Variants in CNTN6 observed in about 807,000 individuals in gnomAD.
CNTN6 encodes the protein contactin 6.
A neutral mutation model predicts 122.8 loss-of-function variants in CNTN6; 137 were observed. That is an observed-to-expected ratio of 1.12 (90% CI 0.97 to 1.29). CNTN6 has a LOEUF of 1.29. Ranked by LOEUF, CNTN6 falls within the 50% of genes most tolerant of loss-of-function variation. The probability of loss-of-function intolerance (pLI) is 0.00; values close to 1 mark genes in which losing one functional copy is unlikely to be tolerated. For synonymous variants in CNTN6, 570 were observed against 426.0 expected (o/e 1.34, Z -4.16); for missense variants, 1,634 against 1,223.4 (o/e 1.34, Z -5.01).
At chr3:1,253,237 T>C (rs2094699391) in intron 4 of CNTN6, among the ~76,000 whole-genome samples, 1 of 152,146 alleles carries the variant, frequency 6.6e-6, no homozygotes, top group Non-Finnish European at 1.5e-5. Flanking sequence ...TGACACCATG[T>C]CCTTTACCCT....
At chr3:1,330,135 A>C (rs568313791) in intron 11 of CNTN6, among the ~76,000 whole-genome samples, 200 bp downstream of exon 11, 1 of 152,058 alleles carries the variant, frequency 6.6e-6, no homozygotes, top group Non-Finnish European at 1.5e-5. Flanking sequence ...TGTTTGTATA[A>C]GTTAGCTGCA....
intron 1 of CNTN6, among the ~76,000 whole-genome samples, chr3:1,124,937 T>C (rs1217340550): frequency 6.6e-6 from 1 of 151,916 alleles, no homozygotes; most frequent in African/African-American, 2.4e-5. Flanking sequence ...GTATTATTGC[T>C]CCTATTTGCT....
At chr3:1,133,591 G>A (rs1010666) in intron 1 of CNTN6, among the ~76,000 whole-genome samples, 73,622 of 151,978 alleles carry the variant, frequency 0.48, 18,045 homozygotes, top group Non-Finnish European at 0.49. Flanking sequence ...CATGGACTCA[G>A]CTGTGACTGC....
At chr3:1,225,439 A>C (rs2094268486) in intron 3 of CNTN6, among the ~76,000 whole-genome samples, 1 of 152,204 alleles carries the variant, frequency 6.6e-6, no homozygotes, top group African/African-American at 2.4e-5. Context: ...CTAAGCCAAC[A>C]ACTTTGAATT....
intron 4 of CNTN6, among the ~76,000 whole-genome samples, chr3:1,246,389 T>G (rs989507729): frequency 6.6e-6 from 1 of 152,216 alleles, no homozygotes; most frequent in Non-Finnish European, 1.5e-5. Context: ...TTCATTTTTC[T>G]GATCACATAT....
intron 11 of CNTN6, among the ~76,000 whole-genome samples, chr3:1,334,934 A>C (rs1702828699): frequency 6.6e-6 from 1 of 152,176 alleles, no homozygotes; most frequent in Non-Finnish European, 1.5e-5. Flanking sequence ...TTCTTCATTC[A>C]TTCTGCAAAT....
At chr3:1,171,460 T>C (rs1309306742) in intron 2 of CNTN6, among the ~76,000 whole-genome samples, 4 of 152,186 alleles carry the variant, frequency 2.6e-5, no homozygotes, top group Non-Finnish European at 4.4e-5. Flanking sequence ...AAATAATTAT[T>C]TGCTGTGTGA....
intron 4 of CNTN6, 118 bp from the exon 5 acceptor site, chr3:1,278,294 TG>T: frequency 1.6e-6 from 1 of 643,064 alleles, no homozygotes; most frequent in Non-Finnish European, 2.6e-6. Flanking sequence ...CTAAGTCTTC[TG>T]GTCAGCAAAG....
At chr3:1,135,465 T>C (rs895185795) in intron 1 of CNTN6, among the ~76,000 whole-genome samples, 3 of 152,204 alleles carry the variant, frequency 2.0e-5, no homozygotes, top group Non-Finnish European at 4.4e-5. Flanking sequence ...CTGCTGTCAG[T>C]GCTCTGTGAT....
chr3:1,269,702 T>G (rs1272858055), intron 4 of CNTN6, among the ~76,000 whole-genome samples: 2 of 152,202 alleles, frequency 1.3e-5, no homozygotes, highest in African/African-American at 4.8e-5. Context: ...CTTGTTTAAT[T>G]TATGAAATGT....
At chr3:1,245,919 A>C (rs1432184103) in intron 4 of CNTN6, among the ~76,000 whole-genome samples, 3 of 152,072 alleles carry the variant, frequency 2.0e-5, no homozygotes, top group Non-Finnish European at 4.4e-5. Flanking sequence ...TGAGCTAAAA[A>C]AAAAATTGCA....
At position 1,385,777 on chromosome 3, in the gene CNTN6, A is replaced by T; in HGVS notation, c.2684A>T (p.Asn895Ile). The T allele has an allele frequency of 6.2e-7, 1 of 1,610,586 alleles. No individual in the cohort carries two copies. The highest frequency in any genetic ancestry group is 8.5e-7 in the Non-Finnish European group (1 of 1,178,718). The change falls in exon 20 of 23, where the codon AAT (asparagine) becomes ATT (isoleucine). Residue 895 changes from asparagine to isoleucine, a missense_variant. Physicochemically the swap from Asn to Ile is moderately radical, Grantham distance 149. Transcript: ENST00000446702. The stretch of plus-strand genomic sequence containing the variant: ...ACAGGGCCCTCAAGCCCCCCAGTCA[A>T]TGTTACCACCAAAAAGTCTCGTAAG... ...AGTGPSSPPV[N>I]VTTKKSPPSQ...
Position 1,227,120 on chromosome 3 carries a change from C to G in CNTN6, c.183-698C>G, listed in dbSNP as rs1245883923. 2.6e-5 allele frequency among the ~76,000 whole-genome samples: 4 copies of G among 152,226 alleles called. No homozygotes were observed. In the South Asian group the frequency reaches 8.3e-4, roughly 32 times the overall value. ...TGAATCTTTGAAAGTAAATATAACT[C>G]TAAGACTCTTCAGCTAGTTAATTCA... On this transcript the variant is annotated intron_variant, in intron 3 of 22. Transcript: ENST00000446702.
At chr3:1,250,325 C>T (rs114284246) in intron 4 of CNTN6, among the ~76,000 whole-genome samples, 1 of 152,286 alleles carries the variant, frequency 6.6e-6, no homozygotes, top group African/African-American at 2.4e-5. Flanking sequence ...AAGCATCTCA[C>T]TTCTACCTGT....
chr3:1,300,189 C>T (rs969618531), intron 7 of CNTN6, among the ~76,000 whole-genome samples: 41 of 151,848 alleles, frequency 2.7e-4, no homozygotes, highest in African/African-American at 8.9e-4. Flanking sequence ...GGTTTCAGCA[C>T]GTTAGCCAGG....
intron 2 of CNTN6, among the ~76,000 whole-genome samples, chr3:1,171,556 G>T (rs1436357628): frequency 1.3e-5 from 2 of 152,124 alleles, no homozygotes. Context: ...CCAAAAACTG[G>T]CTTGACTCCC....
At chr3:1,377,934 A>C (rs155386) in intron 17 of CNTN6, among the ~76,000 whole-genome samples, 1 of 151,504 alleles carries the variant, frequency 6.6e-6, no homozygotes, top group African/African-American at 2.4e-5. Flanking sequence ...TGCGTTTTTT[A>C]ATTTATTTTT....
chr3:1,130,731 CAAT>C (rs917202038), intron 1 of CNTN6, among the ~76,000 whole-genome samples: 5 of 152,070 alleles, frequency 3.3e-5, no homozygotes, highest in African/African-American at 1.2e-4. Flanking sequence ...ATGAAGACAA[CAAT>C]GTTTGATCAG....
intron 1 of CNTN6, 82 bp from the exon 2 acceptor site, chr3:1,147,845 A>C (rs2092754993): frequency 2.0e-6 from 1 of 499,298 alleles, no homozygotes; most frequent in East Asian, 3.0e-5. Flanking sequence ...TATTAAATTG[A>C]ATTAATATGC....
Sources: gnomAD v4.1 joint callset for allele counts (sites outside exome capture counted in the v4.1 genomes callset) on GRCh38, gnomAD v4.1.1 for gene constraint, MANE v1.5 for transcripts, NCBI Gene and HGNC (gene_info 2026-07-23, HGNC 2026-07-21) for gene names.